Variants in TRIM14 observed in about 807,000 individuals in gnomAD.
TRIM14 encodes tripartite motif-containing protein 14.
Under a neutral mutation model 44.5 loss-of-function variants are expected in TRIM14, and 28 were observed. That is an observed-to-expected ratio of 0.63 (90% CI 0.47 to 0.86). The LOEUF (loss-of-function observed/expected upper bound fraction) is 0.86. TRIM14 is among the 40% of genes least tolerant of loss of function. The probability of loss-of-function intolerance (pLI) is 0.00; values close to 1 mark genes in which losing one functional copy is unlikely to be tolerated. For synonymous variants in TRIM14, 299 were observed against 269.2 expected (o/e 1.11, Z -1.08); for missense variants, 607 against 611.1 (o/e 0.99, Z 0.07).
At chr9:98,064,314 C>T (rs1201893002), downstream of TRIM14, among the ~76,000 whole-genome samples, 1 of 151,944 alleles carries the variant, frequency 6.6e-6, no homozygotes, top group Non-Finnish European at 1.5e-5. Context: ...AGTGCAATGG[C>T]ACGATCTTGG....
the TRIM14 span, among the ~76,000 whole-genome samples, chr9:98,041,689 GTT>G: frequency 7.1e-6 from 1 of 141,462 alleles, no homozygotes. Context: ...TTTTGTTTTC[GTT>G]TTTTTTTTTG....
At chr9:98,037,093 A>T in the TRIM14 span, among the ~76,000 whole-genome samples, 1 of 151,972 alleles carries the variant, frequency 6.6e-6, no homozygotes, top group Non-Finnish European at 1.5e-5. Context: ...TGGGCAAAGA[A>T]GGGGCCGGGC....
the TRIM14 span, among the ~76,000 whole-genome samples, chr9:98,039,627 C>T: frequency 1.3e-5 from 2 of 152,040 alleles, no homozygotes; most frequent in Non-Finnish European, 2.9e-5. Flanking sequence ...AGATATTTTG[C>T]AGACGCTGCA....
At chr9:98,077,020 A>C in intron 6 of TRIM14, 1 of 1,600,566 alleles carries the variant, frequency 6.2e-7, no homozygotes, top group South Asian at 1.1e-5. Context: ...CAAAAAAGGT[A>C]AGTGTCTAAT....
chr9:98,101,847 T>C (rs1826405246), intron 2 of TRIM14, among the ~76,000 whole-genome samples: 1 of 151,816 alleles, frequency 6.6e-6, no homozygotes, highest in African/African-American at 2.4e-5. Context: ...CTTCTACACA[T>C]AGAGAATAGA....
intron 6 of TRIM14, chr9:98,069,837 C>G (rs376207472): frequency 2.0e-3 from 297 of 152,256 alleles, no homozygotes; most frequent in African/African-American, 6.9e-3. Flanking sequence ...CGTGGCAGTG[C>G]TCACATGAGT....
At chr9:98,100,319 C>G (rs543193850) in intron 2 of TRIM14, among the ~76,000 whole-genome samples, 155 bp from the exon 3 acceptor site, 26 of 152,228 alleles carry the variant, frequency 1.7e-4, no homozygotes, top group African/African-American at 6.3e-4. Flanking sequence ...CTTTCCTAAG[C>G]ACCAGCCCAT....
intron 5 of TRIM14, among the ~76,000 whole-genome samples, chr9:98,090,300 C>G (rs1825947078): frequency 6.6e-6 from 1 of 152,132 alleles, no homozygotes; most frequent in Non-Finnish European, 1.5e-5. Flanking sequence ...ATGGATAAAT[C>G]TCATATTGAG....
chr9:98,087,669 C>G lies in TRIM14; in HGVS notation c.1130G>C (p.Gly377Ala). 6.2e-7 allele frequency: 1 copy of G among 1,602,744 alleles called. No homozygotes were observed. Residue 377 changes from glycine (G) to alanine (A), a missense_variant, in exon 6 of 6, where the codon GGC becomes GCC. Transcript: ENST00000341469. ...YDLEYWAFHD[G>A]QRSRLRPRDD... Reference sequence around the variant, plus strand: ...GCGGGGCCGCAGGCGGCTGCGCTGGCCGTCGTGGAAGGCCCAGTACTCAAG... The same window carrying G: ...GCGGGGCCGCAGGCGGCTGCGCTGGGCGTCGTGGAAGGCCCAGTACTCAAG...
the TRIM14 span, among the ~76,000 whole-genome samples, chr9:98,045,969 A>T: frequency 3.3e-5 from 5 of 152,168 alleles, no homozygotes; most frequent in Non-Finnish European, 5.9e-5. Flanking sequence ...CCGGGATTGA[A>T]TTAGATCTGG....
chr9:98,102,007 C>CAAA (rs998993291), intron 2 of TRIM14, among the ~76,000 whole-genome samples: 3 of 57,710 alleles, frequency 5.2e-5, no homozygotes, highest in Non-Finnish European at 7.1e-5. Flanking sequence ...GACTTTGACT[C>CAAA]AAAAAAAAAA....
chr9:98,115,616 T>G (rs1827022144), intron 1 of TRIM14, among the ~76,000 whole-genome samples: 1 of 151,922 alleles, frequency 6.6e-6, no homozygotes, highest in African/African-American at 2.4e-5. Flanking sequence ...ACTCCTGACC[T>G]CAACTGATCC....
At chr9:98,064,931 A>G (rs191840525), downstream of TRIM14, among the ~76,000 whole-genome samples, 1 of 150,508 alleles carries the variant, frequency 6.6e-6, no homozygotes, top group East Asian at 1.9e-4. Context: ...GTGGGGACAG[A>G]TTTTTTTTTT....
intron 1 of TRIM14, among the ~76,000 whole-genome samples, chr9:98,113,540 A>G (rs4743167): frequency 0.33 from 50,437 of 151,910 alleles, 9,409 homozygotes; most frequent in East Asian, 0.58. Context: ...TCTTTTGTAG[A>G]GACAGGGTTT....
chr9:98,088,811 C>A (rs1564173660), intron 5 of TRIM14, among the ~76,000 whole-genome samples: 1 of 152,070 alleles, frequency 6.6e-6, no homozygotes, highest in East Asian at 1.9e-4. Context: ...TTTTTAAGGT[C>A]TTTGATACAT....
chr9:98,073,595 T>C (rs1343498419), intron 6 of TRIM14, among the ~76,000 whole-genome samples: 1 of 150,598 alleles, frequency 6.6e-6, no homozygotes, highest in East Asian at 2.0e-4. Flanking sequence ...GGCTTCTTTT[T>C]TTTTTTTTCC....
chr9:98,074,644 T>C (rs1318780246), intron 6 of TRIM14: 1 of 152,204 alleles, frequency 6.6e-6, no homozygotes, highest in Non-Finnish European at 1.5e-5. Context: ...TTTTCTTTAC[T>C]TGAAAATTAC....
At chr9:98,092,477 G>C (rs1224402190) in intron 4 of TRIM14, 1 of 392,506 alleles carries the variant, frequency 2.5e-6, no homozygotes, top group Middle Eastern at 3.6e-4. Flanking sequence ...CCAGCTATTG[G>C]GGCCGCAGCT....
Position 98,087,298 on chromosome 9 carries a change from C to T in TRIM14, c.*172G>A. The T allele has an allele frequency of 9.5e-7, 1 of 1,056,896 alleles. No homozygotes were observed. Among genetic ancestry groups the T allele is most frequent in the South Asian group, 1.3e-5 (1 of 79,230 alleles). 65.5% of individuals were successfully genotyped at this position (1,056,896 alleles called of 1,614,324 possible). On this transcript the variant is annotated 3_prime_UTR_variant, in exon 6 of 6. Coordinates refer to ENST00000341469, the MANE Select transcript of TRIM14 (RefSeq NM_014788.4). ...TGTTTAGGGCCTGTTTGAAACTAGC[C>T]TAGGAGAGGAAACCTTCAAAGCACT...
Sources: allele counts gnomAD v4.1 joint callset (sites outside exome capture counted in the v4.1 genomes callset), GRCh38; gene constraint gnomAD v4.1.1; transcripts MANE v1.5; gene names NCBI Gene and HGNC (gene_info 2026-07-23, HGNC 2026-07-21).